GMIP: variants seen among roughly 807,000 people sequenced by gnomAD.
The protein encoded by GMIP is GEM interacting protein, also known as GEM-interacting protein.
A neutral mutation model predicts 105.3 loss-of-function variants in GMIP; 54 were observed. The observed-to-expected ratio is 0.51, with a 90% CI of 0.41 to 0.64. The LOEUF (loss-of-function observed/expected upper bound fraction) is 0.64. Among genes scored for constraint, GMIP ranks in the 30% least tolerant of loss-of-function variants. The probability of loss-of-function intolerance (pLI) is 0.00; values close to 1 mark genes in which losing one functional copy is unlikely to be tolerated. For synonymous variants in GMIP, 541 were observed against 560.8 expected (o/e 0.96, Z 0.50); for missense variants, 1,110 against 1,319.4 (o/e 0.84, Z 2.46).
At position 19,640,475 on chromosome 19, in the gene GMIP, A is replaced by G; in HGVS notation, c.335T>C (p.Leu112Pro). 6.2e-7 allele frequency: 1 copy of G among 1,614,118 alleles called. No individual in the cohort carries two copies. The highest frequency in any genetic ancestry group is 8.5e-7 in the Non-Finnish European group (1 of 1,180,030). Residue 112 changes from leucine (L) to proline (P), a missense_variant, in exon 5 of 21, where the codon CTT (leucine) becomes CCT (proline). By Grantham distance (98) the Leu-to-Pro change is moderately conservative. This residue lies in a region of GMIP where 667 missense variants were observed against 773.2 expected (regional missense o/e 0.86). Transcript: ENST00000203556. ...GCTGGCTCTCTTTTCAGTCCAGGCA[A>G]GCAGTTCCTTGGCATAGCGGCTCCA... ...KTWSRYAKELLAWTEKRASYE... is the reference protein window; with the variant it reads ...KTWSRYAKELPAWTEKRASYE...
chr19:19,633,128 G>A (rs754268197), intron 19 of GMIP, among the ~76,000 whole-genome samples: 4 of 150,060 alleles, frequency 2.7e-5, no homozygotes, highest in Non-Finnish European at 1.5e-5. Flanking sequence ...GCATGCTCTC[G>A]GCTCACTAAA....
chr19:19,643,482 A>G, intron 1 of GMIP, 29 bp downstream of exon 1: 1 of 1,535,438 alleles, frequency 6.5e-7, no homozygotes, highest in South Asian at 1.2e-5. Flanking sequence ...TGGTCGGGGG[A>G]GGCCCCTCCC....
In GMIP at chr19:19,637,555, G is replaced by A; in HGVS notation, c.934C>T (p.Leu312=). The change falls in exon 11 of 21, where the codon CTG becomes TTG. Residue 312 remains leucine (L), a synonymous_variant. Transcript: ENST00000203556. The surrounding 1 kb of genome is among the most constrained non-coding windows in gnomAD (Gnocchi z 6.7). ...QGDEVLRRVT[L]SLFGLRGAQA... ...GCCCCCCGCAGCCCGAAGAGACTCA[G>A]CGTCACCTGCCGGGTGGAGACAGCA... 1 of 1,524,236 alleles carries A rather than the reference G, an allele frequency of 6.6e-7. No individual in the cohort carries two copies. The highest frequency in any genetic ancestry group is 1.2e-5 in the South Asian group (1 of 82,140). The allele number at this position is 1,524,236 out of a possible 1,614,324, so 94.4% of individuals were successfully genotyped here. A position where few individuals can be genotyped will look rare whatever the true frequency, so the allele number is the denominator to read the frequency against.
rs751631115 is a variant in GMIP at position 19,633,850 on chromosome 19, GGGGGTCTGGGCC to G, written c.2413_2424del (p.Gly805_Pro808del). 2 of 1,500,982 alleles carry G rather than the reference GGGGGTCTGGGCC, an allele frequency of 1.3e-6. No homozygotes were observed. The highest frequency in any genetic ancestry group is 2.7e-5 in the South Asian group (2 of 73,132). The allele number at this position is 1,500,982 out of a possible 1,614,324, so 93.0% of individuals were successfully genotyped here. A position where few individuals can be genotyped will look rare whatever the true frequency, so the allele number is the denominator to read the frequency against. ...TGCTGCTCCAGGGTACTGTGGTGCT[GGGGGTCTGGGCC>G]GGGGTCTGAGGCTAGGACTGGGGGC... On this transcript the variant is annotated inframe_deletion, in exon 19 of 21. Coordinates refer to ENST00000203556, the MANE Select transcript of GMIP (RefSeq NM_016573.4).
Position 19,630,347 on chromosome 19 carries a change from G to T in GMIP, c.2540-11C>A. ...GGCCTTGGCTGGACACTGTGTACGGGGTGGGTGGTCAGTGCAGAGCACCTC... is the reference window on the plus strand; with the variant it reads ...GGCCTTGGCTGGACACTGTGTACGGTGTGGGTGGTCAGTGCAGAGCACCTC... On this transcript the variant is annotated splice_polypyrimidine_tract_variant and intron_variant, in intron 20 of 20. Transcript: ENST00000203556. This position sits in a 1 kb window ranked among gnomAD's most constrained non-coding sequence, Gnocchi z 4.8. The T allele has an allele frequency of 1.3e-6, 2 of 1,545,656 alleles. No homozygotes were observed. The highest frequency in any genetic ancestry group is 1.7e-6 in the Non-Finnish European group (2 of 1,146,622).
At chr19:19,631,775 CAGG>C (rs2061797845) in intron 19 of GMIP, among the ~76,000 whole-genome samples, 1 of 146,314 alleles carries the variant, frequency 6.8e-6, no homozygotes, top group African/African-American at 2.5e-5. Flanking sequence ...ATCACAAGGT[CAGG>C]AGATCGAGAC....
rs1371666078 is a variant in GMIP, at chr19:19,630,699, G to T, written c.2473-162C>A. On this transcript the variant is annotated intron_variant, in intron 19 of 20. Coordinates refer to ENST00000203556, the MANE Select transcript of GMIP (RefSeq NM_016573.4). This position sits in a 1 kb window ranked among gnomAD's most constrained non-coding sequence, Gnocchi z 4.8. Reference sequence around the variant, plus strand: ...GTATGTTAGGACGCAGCCCCACCCTGTAATGAATGAGGGAAAGGTGGTAGG... The same window carrying T: ...GTATGTTAGGACGCAGCCCCACCCTTTAATGAATGAGGGAAAGGTGGTAGG... Among the ~76,000 whole-genome samples the T allele has an allele frequency of 6.6e-6, 1 of 152,170 alleles. No individual in the cohort carries two copies.
chr19:19,632,155 G>A (rs1045984177), intron 19 of GMIP, among the ~76,000 whole-genome samples: 4 of 152,058 alleles, frequency 2.6e-5, no homozygotes, highest in Non-Finnish European at 5.9e-5. Flanking sequence ...TTAGCTGGGT[G>A]TGGTGGTGCA....
At chr19:19,642,129 G>A in intron 2 of GMIP, 78 bp from the exon 3 acceptor site, 1 of 878,264 alleles carries the variant, frequency 1.1e-6, no homozygotes, top group Non-Finnish European at 1.8e-6. Context: ...CCTTAGGGTT[G>A]TTTGTGGCAA....
chr19:19,638,091 C>G, intron 9 of GMIP, 34 bp from the exon 10 acceptor site: 1 of 1,542,126 alleles, frequency 6.5e-7, no homozygotes. Context: ...CGGGGTGGGG[C>G]GCGTGTGGGC....
intron 4 of GMIP, 126 bp from the exon 5 acceptor site, chr19:19,640,697 G>GATCACTTGTCCTGGTTGCA (rs2061909895): frequency 3.6e-6 from 3 of 838,398 alleles, no homozygotes; most frequent in Non-Finnish European, 3.7e-6. Flanking sequence ...ACTACTTTGG[G>GATCACTTGTCCTGGTTGCA]ATCACTTGTC....
rs765866725 is a variant in GMIP at position 19,630,038 on chromosome 19, T to G, written c.2838A>C (p.Lys946Asn). The change falls in exon 21 of 21, where the codon AAA becomes AAC. Residue 946 changes from lysine (K) to asparagine (N), a missense_variant. Coordinates refer to ENST00000203556, the MANE Select transcript of GMIP (RefSeq NM_016573.4). This position sits in a 1 kb window ranked among gnomAD's most constrained non-coding sequence, Gnocchi z 4.8. The part of the protein sequence containing the change: ...ITQETARLLS[K>N]LDSEAVPRAT... ...CCCTGGGCACAGCCTCGCTGTCCAA[T>G]TTCGAGAGTAGCCGGGCTGTCTCCT... 2 of 1,609,032 alleles carry G rather than the reference T, an allele frequency of 1.2e-6. No individual in the cohort carries two copies. Among genetic ancestry groups the G allele is most frequent in the Non-Finnish European group, 1.7e-6 (2 of 1,178,058 alleles).
In GMIP at chr19:19,634,722, G is replaced by C. The variant is rs1400879189; in HGVS notation, c.1888-19C>G. On this transcript the variant is annotated intron_variant, in intron 17 of 20. Coordinates refer to ENST00000203556, the MANE Select transcript of GMIP (RefSeq NM_016573.4). This position sits in a 1 kb window ranked among gnomAD's most constrained non-coding sequence, Gnocchi z 6.1. Reference sequence around the variant, plus strand: ...CGGTGAGCTGGGGGTGGAACGGAGGGCGCAACACGAGTGTGGGTGGGCTGT... The same window carrying C: ...CGGTGAGCTGGGGGTGGAACGGAGGCCGCAACACGAGTGTGGGTGGGCTGT... 2 of 1,608,738 alleles carry C rather than the reference G, an allele frequency of 1.2e-6. No individual in the cohort carries two copies. The highest frequency in any genetic ancestry group is 1.1e-5 in the South Asian group (1 of 90,886).
Position 19,635,610 on chromosome 19 carries a change from T to G in GMIP, c.1405+34A>C. ...GTCAGGAGTGCCTGGTGCCCTGCCCTGTCCCATCCTGACCTACCCTGCTTC... is the reference window on the plus strand; with the variant it reads ...GTCAGGAGTGCCTGGTGCCCTGCCCGGTCCCATCCTGACCTACCCTGCTTC... On this transcript the variant is annotated intron_variant, in intron 14 of 20. Coordinates refer to ENST00000203556, the MANE Select transcript of GMIP (RefSeq NM_016573.4). This position sits in a 1 kb window ranked among gnomAD's most constrained non-coding sequence, Gnocchi z 4.7. 2 of 1,613,626 alleles carry G rather than the reference T, an allele frequency of 1.2e-6. No individual in the cohort carries two copies. The highest frequency in any genetic ancestry group is 2.2e-5 in the South Asian group (2 of 91,080).
At position 19,638,605 on chromosome 19, in the gene GMIP, C is replaced by A. The variant is rs572076289; in HGVS notation, c.538-123G>T. ...CTCTGGACTCTATTTTTTTTTTTTT[C>A]GAGACGGAGTTTTGCTCTTGTTGCC... On this transcript the variant is annotated intron_variant, in intron 7 of 20. Coordinates refer to ENST00000203556, the MANE Select transcript of GMIP (RefSeq NM_016573.4). 491 of 699,680 alleles carry A rather than the reference C, an allele frequency of 7.0e-4. 2 individuals carry two copies. In the East Asian group the frequency reaches 0.013, roughly 18 times the overall value. The allele number at this position is 699,680 out of a possible 1,614,324, so 43.3% of individuals were successfully genotyped here.
Position 19,638,332 on chromosome 19 carries a change from G to A in GMIP, c.619-3C>T. ...CGCAGTGCCTGCACCGCCTCATTCT[G>A]GGGGATGATGAGAAGGTCAGCGTCC... On this transcript the variant is annotated splice_region_variant and splice_polypyrimidine_tract_variant and intron_variant, in intron 8 of 20. Transcript: ENST00000203556. 2 of 1,567,204 alleles carry A rather than the reference G, an allele frequency of 1.3e-6. No homozygotes were observed. The highest frequency in any genetic ancestry group is 2.6e-5 in the South Asian group (2 of 77,182).
At position 19,634,663 on chromosome 19, in the gene GMIP, A is replaced by G; in HGVS notation, c.1928T>C (p.Phe643Ser). The G allele has an allele frequency of 1.2e-6, 2 of 1,612,216 alleles. No individual in the cohort carries two copies. The highest frequency in any genetic ancestry group is 2.2e-5 in the South Asian group (2 of 91,052). The change falls in exon 18 of 21, where the codon TTC becomes TCC. Residue 643 changes from phenylalanine to serine, a missense_variant. Physicochemically the swap from Phe to Ser is radical, Grantham distance 155. Coordinates refer to ENST00000203556, the MANE Select transcript of GMIP (RefSeq NM_016573.4). The surrounding 1 kb of genome is among the most constrained non-coding windows in gnomAD (Gnocchi z 6.1). ...ATGCAAGGTCTTAGCCAGAGAGATG[A>G]AGGCGTCGTAGAGGTGGAAGGGGAT... is the stretch of plus-strand genomic sequence containing the variant. Reference protein sequence around the residue: ...PVIPFHLYDAFISLAKTLHAD... With the variant: ...PVIPFHLYDASISLAKTLHAD...
chr19:19,630,209 C>A lies in GMIP; in HGVS notation c.2667G>T (p.Leu889=). The change falls in exon 21 of 21, where the codon CTG becomes CTT. Residue 889 remains leucine (L), a synonymous_variant. Coordinates refer to ENST00000203556, the MANE Select transcript of GMIP (RefSeq NM_016573.4). This position sits in a 1 kb window ranked among gnomAD's most constrained non-coding sequence, Gnocchi z 4.8. ...TCTCCTCGCACAGCTTGGAAGCCAC[C>A]AGGGCCAGACTGGACAGCTGGTGGG... ...PVTHQLSSLA[L]VASKLCEETP... 6.3e-7 allele frequency: 1 copy of A among 1,597,434 alleles called. No individual in the cohort carries two copies. Among genetic ancestry groups the A allele is most frequent in the East Asian group, 2.2e-5 (1 of 44,478 alleles).
At chr19:19,641,786 G>A in intron 4 of GMIP, 24 bp downstream of exon 4, 1 of 1,561,554 alleles carries the variant, frequency 6.4e-7, no homozygotes, top group Non-Finnish European at 8.8e-7. Flanking sequence ...TGTCCCCACT[G>A]TCCTGGCCTC....
Sources: allele counts gnomAD v4.1 joint callset (sites outside exome capture counted in the v4.1 genomes callset), GRCh38; gene constraint gnomAD v4.1.1; regional missense constraint gnomAD v4.1.1; non-coding constraint Gnocchi (gnomAD v3.1); transcripts MANE v1.5; gene names NCBI Gene and HGNC (gene_info 2026-07-23, HGNC 2026-07-21).